Variants in ZFHX3 observed in about 807,000 individuals in gnomAD.
ZFHX3 encodes zinc finger homeobox protein 3.
In ZFHX3, 42 loss-of-function variants were observed where a neutral mutation model predicts 279.1. The observed-to-expected ratio is 0.15, with a 90% CI of 0.12 to 0.19. The LOEUF is 0.19. ZFHX3 is among the 10% of genes least tolerant of loss of function. ZFHX3 has a pLI of 1.00. For missense variants in ZFHX3, 4,981 were observed against 4,754.0 expected (o/e 1.05, Z -1.40); for synonymous variants, 2,293 against 1,957.8 (o/e 1.17, Z -4.52).
intron 3 of ZFHX3, among the ~76,000 whole-genome samples, chr16:73,343,498 G>A (rs1391826269): frequency 1.3e-5 from 2 of 152,196 alleles, no homozygotes; most frequent in Non-Finnish European, 2.9e-5. Context: ...GCCGAGGTGG[G>A]AGGAATGCTT....
chr16:73,522,077 A>C (rs1012420660), intron 2 of ZFHX3, among the ~76,000 whole-genome samples: 96 of 152,332 alleles, frequency 6.3e-4, no homozygotes, highest in African/African-American at 1.8e-3. Flanking sequence ...CTTAATGAAT[A>C]TAGGAAAGAG....
At chr16:72,893,641 C>T (rs947925960) in intron 3 of ZFHX3, among the ~76,000 whole-genome samples, 1 of 152,208 alleles carries the variant, frequency 6.6e-6, no homozygotes, top group Non-Finnish European at 1.5e-5. Flanking sequence ...ATTATTCTGT[C>T]TGCCACTTTG....
chr16:72,964,495 G>A (rs1033421876), intron 1 of ZFHX3, among the ~76,000 whole-genome samples: 1 of 152,106 alleles, frequency 6.6e-6, no homozygotes, highest in African/African-American at 2.4e-5. Flanking sequence ...TCTAGGGAAT[G>A]AGGTATAGGT....
intron 3 of ZFHX3, among the ~76,000 whole-genome samples, chr16:72,892,217 G>A (rs965905935): frequency 6.6e-6 from 1 of 152,204 alleles, no homozygotes; most frequent in Non-Finnish European, 1.5e-5. Flanking sequence ...GGGGGTTGAA[G>A]CCCTCAATGA....
chr16:73,791,525 A>T (rs1030792147), intron 1 of ZFHX3, among the ~76,000 whole-genome samples: 3 of 152,142 alleles, frequency 2.0e-5, no homozygotes, highest in Non-Finnish European at 2.9e-5. Context: ...CCCAGGTTCA[A>T]GTGATTCCCC....
chr16:72,989,966 G>A (rs1358143453), intron 1 of ZFHX3, among the ~76,000 whole-genome samples: 1 of 152,196 alleles, frequency 6.6e-6, no homozygotes, highest in Non-Finnish European at 1.5e-5. Context: ...CAGGAGTCAG[G>A]AGGCCCAGAC....
chr16:73,114,105 T>A (rs528464275), intron 7 of ZFHX3, among the ~76,000 whole-genome samples: 447 of 151,794 alleles, frequency 2.9e-3, no homozygotes, highest in Non-Finnish European at 5.2e-3. Context: ...CATTTTTTTT[T>A]AAGAGATGGG....
chr16:73,703,626 A>C (rs940647555), intron 1 of ZFHX3, among the ~76,000 whole-genome samples: 1 of 152,076 alleles, frequency 6.6e-6, no homozygotes, highest in African/African-American at 2.4e-5. Flanking sequence ...AGAGATCGGT[A>C]GACTGTGCCT....
chr16:72,830,350 A>G (rs1029084504), intron 4 of ZFHX3, among the ~76,000 whole-genome samples: 2 of 152,326 alleles, frequency 1.3e-5, no homozygotes, highest in Non-Finnish European at 1.5e-5. Flanking sequence ...TGCATGTGCC[A>G]GAGTGTGTGG....
At chr16:73,101,094 T>C (rs953837248) in intron 7 of ZFHX3, among the ~76,000 whole-genome samples, 1 of 152,050 alleles carries the variant, frequency 6.6e-6, no homozygotes, top group African/African-American at 2.4e-5. Flanking sequence ...CCATCAGCTC[T>C]GAGTCCCGCT....
intron 4 of ZFHX3, among the ~76,000 whole-genome samples, chr16:73,287,245 G>A (rs1190597658): frequency 1.3e-5 from 2 of 148,452 alleles, no homozygotes; most frequent in Non-Finnish European, 3.0e-5. Flanking sequence ...GTCAGTGTAT[G>A]GGTGTGTGGG....
rs563195579 is a variant in ZFHX3 at position 73,870,934 on chromosome 16, G to A, written c.-1608+20717C>T. On this transcript the variant is annotated intron_variant, in intron 1 of 17. Coordinates refer to the ZFHX3 transcript ENST00000641206. ...ACTCAATGGGCAATTTTTTTAATCT[G>A]AATCGTGTTTTGCATTGACTCAACA... Among the ~76,000 whole-genome samples the A allele has an allele frequency of 6.6e-5, 10 of 152,148 alleles. No individual in the cohort carries two copies. In the South Asian group the frequency reaches 1.5e-3, roughly 22 times the overall value.
intron 4 of ZFHX3, among the ~76,000 whole-genome samples, chr16:73,300,555 A>G (rs2015029818): frequency 6.6e-6 from 1 of 152,000 alleles, no homozygotes; most frequent in Admixed American, 6.6e-5. Context: ...CCAGGCTGGA[A>G]TGCAATGGTG....
chr16:72,993,395 C>T (rs1005059129), intron 1 of ZFHX3, among the ~76,000 whole-genome samples: 8 of 152,182 alleles, frequency 5.3e-5, no homozygotes, highest in African/African-American at 1.9e-4. Flanking sequence ...GCCCCCCTAC[C>T]GTTAGCTGCC....
At chr16:73,150,820 C>T (rs2144845375) in intron 5 of ZFHX3, among the ~76,000 whole-genome samples, 1 of 152,262 alleles carries the variant, frequency 6.6e-6, no homozygotes, top group African/African-American at 2.4e-5. Flanking sequence ...TAACCCTTAA[C>T]ATGTGTCTGT....
chr16:73,064,316 G>C (rs1449080584), upstream of ZFHX3, among the ~76,000 whole-genome samples: 1 of 151,986 alleles, frequency 6.6e-6, no homozygotes, highest in African/African-American at 2.4e-5. Flanking sequence ...GGGTGAGGGT[G>C]AATCACCCCG....
chr16:73,503,491 T>C (rs1176132132), intron 2 of ZFHX3, among the ~76,000 whole-genome samples: 1 of 152,172 alleles, frequency 6.6e-6, no homozygotes, highest in Admixed American at 6.5e-5. Context: ...GGGGTGGTAC[T>C]CCATGGCGGC....
At chr16:73,168,211 T>TTTTCTTTCTTTCTTTC (rs71156144) in intron 5 of ZFHX3, among the ~76,000 whole-genome samples, 8,047 of 95,180 alleles carry the variant, frequency 0.085, 1,022 homozygotes, top group East Asian at 0.12. Flanking sequence ...GTTTCTTTTG[T>TTTTCTTTCTTTCTTTC]TTTCTTTCTT....
chr16:73,026,561 C>T (rs1157784168), intron 1 of ZFHX3, among the ~76,000 whole-genome samples: 1 of 148,588 alleles, frequency 6.7e-6, no homozygotes, highest in Non-Finnish European at 1.5e-5. Flanking sequence ...ATCCCAGCTA[C>T]TTGGAAGGCT....
Sources: allele counts gnomAD v4.1 joint callset (sites outside exome capture counted in the v4.1 genomes callset), GRCh38; gene constraint gnomAD v4.1.1; transcripts MANE v1.5; gene names NCBI Gene and HGNC (gene_info 2026-07-23, HGNC 2026-07-21).